The following P2RY12 variants were observed in gnomAD, a reference collection of about 807,000 sequenced individuals.
The protein encoded by P2RY12 is purinergic receptor P2Y12.
P2RY12 carries 3 observed loss-of-function variants against 4.5 expected under a neutral mutation model. The ratio of observed to expected loss-of-function variants is 0.67; its 90% CI spans 0.31 to 1.74. The LOEUF is 1.74. Among genes scored for constraint, P2RY12 ranks in the 40% most tolerant of loss-of-function variants. The probability of loss-of-function intolerance (pLI) is 0.09; values close to 1 mark genes in which losing one functional copy is unlikely to be tolerated. For synonymous variants in P2RY12, 148 were observed against 154.1 expected (o/e 0.96, Z 0.29); for missense variants, 356 against 407.8 (o/e 0.87, Z 1.09).
At chr3:151,356,360 C>G (rs1462764722) in intron 1 of P2RY12, among the ~76,000 whole-genome samples, 1 of 151,942 alleles carries the variant, frequency 6.6e-6, no homozygotes, top group African/African-American at 2.4e-5. Flanking sequence ...CAACTGCACT[C>G]AAGCCTATGG....
In P2RY12 at chr3:151,348,358, A is replaced by G. The variant is rs1036830187; in HGVS notation, c.-179-7598T>C. Among the ~76,000 whole-genome samples, 94 of 66,990 alleles carry G rather than the reference A, an allele frequency of 1.4e-3. 2 individuals carry two copies. Among genetic ancestry groups the G allele is most frequent in the Admixed American group, 7.6e-3 (40 of 5,234 alleles). 43.9% of individuals were successfully genotyped at this position (66,990 alleles called of 152,430 possible). A position where few individuals can be genotyped will look rare whatever the true frequency, so the allele number is the denominator to read the frequency against. On this transcript the variant is annotated intron_variant, in intron 1 of 2. Transcript: ENST00000302632. ...ACCAGACCAAAAAAAAAAAAAAAAA[A>G]AAAAAGAAAAAAGAAATATATCAGT...
rs16846673 is a variant in P2RY12, at chr3:151,337,857, T to C, written c.989A>G (p.Glu330Gly). ...TTCATTTGGGTCACCACCATCCTGT[T>C]CTTTTTTCCTATTGTCCTGGGACAG... ...TSLSQDNRKK[E>G]QDGGDPNEET... is the part of the protein sequence containing the mutation. The change falls in exon 3 of 3, where the codon GAA becomes GGA. Residue 330 changes from glutamate (E) to glycine (G), a missense_variant. By Grantham distance (98) the Glu-to-Gly change is moderately conservative. Transcript: ENST00000302632. 6,623 of 1,614,130 alleles carry C rather than the reference T, an allele frequency of 4.1e-3. 230 individuals carry two copies. The African/African-American group carries it at 0.08, about 19-fold the overall frequency.
intron 1 of P2RY12, chr3:151,375,909 A>T: frequency 3.5e-6 from 2 of 571,638 alleles, no homozygotes; most frequent in Non-Finnish European, 5.2e-6. Context: ...GTAATTTTTT[A>T]AATTGGAAAA....
intron 1 of P2RY12, chr3:151,369,565 C>G: frequency 6.6e-7 from 1 of 1,506,622 alleles, no homozygotes. Flanking sequence ...ATTATTCTGA[C>G]CCTAAGCTTC....
intron 1 of P2RY12, among the ~76,000 whole-genome samples, chr3:151,351,148 C>G (rs1180840630): frequency 6.6e-6 from 1 of 152,108 alleles, no homozygotes; most frequent in Non-Finnish European, 1.5e-5. Context: ...AGATCCAGTT[C>G]CTAGACTTTA....
intron 1 of P2RY12, among the ~76,000 whole-genome samples, chr3:151,343,451 A>ATG (rs1752127834): frequency 6.6e-6 from 1 of 152,188 alleles, no homozygotes; most frequent in African/African-American, 2.4e-5. Context: ...ATACCTATTT[A>ATG]CAAACCACCT....
intron 1 of P2RY12, chr3:151,360,431 G>A: frequency 1.3e-6 from 2 of 1,591,056 alleles, no homozygotes; most frequent in Non-Finnish European, 1.7e-6. Context: ...AACCCACATA[G>A]TACAAATCTA....
chr3:151,354,634 T>C, intron 1 of P2RY12, among the ~76,000 whole-genome samples: 1 of 152,208 alleles, frequency 6.6e-6, no homozygotes, highest in South Asian at 2.1e-4. Context: ...TAAAGGCACT[T>C]TTTATGATAG....
At chr3:151,346,448 T>C (rs908404172) in intron 1 of P2RY12, among the ~76,000 whole-genome samples, 1 of 152,186 alleles carries the variant, frequency 6.6e-6, no homozygotes, top group African/African-American at 2.4e-5. Context: ...CATTTCATCA[T>C]CACCTCTTAC....
At chr3:151,383,917 TG>T in intron 1 of P2RY12, 5 of 1,583,056 alleles carry the variant, frequency 3.2e-6, no homozygotes, top group Non-Finnish European at 4.3e-6. Flanking sequence ...ACATTGATTT[TG>T]CTACATGTAT....
intron 1 of P2RY12, among the ~76,000 whole-genome samples, chr3:151,381,186 T>G (rs1712270094): frequency 6.6e-6 from 1 of 152,200 alleles, no homozygotes; most frequent in Non-Finnish European, 1.5e-5. Flanking sequence ...AATTGACCCC[T>G]TCTTGTGGCA....
At chr3:151,366,315 TG>T (rs1027948478) in intron 1 of P2RY12, among the ~76,000 whole-genome samples, 41 of 152,320 alleles carry the variant, frequency 2.7e-4, no homozygotes, top group African/African-American at 9.4e-4. Context: ...CCAACTGCCC[TG>T]GATTCCTCAC....
chr3:151,357,503 C>A, intron 1 of P2RY12: 3 of 777,828 alleles, frequency 3.9e-6, no homozygotes, highest in Non-Finnish European at 5.8e-6. Context: ...GGTTAAAGAA[C>A]ACTCTTGCCA....
chr3:151,354,985 GTATT>G, intron 1 of P2RY12: 2 of 693,184 alleles, frequency 2.9e-6, no homozygotes, highest in East Asian at 2.7e-5. Context: ...GTCTTATTGT[GTATT>G]TATTTTATTG....
chr3:151,379,963 A>G, intron 1 of P2RY12: 1 of 535,018 alleles, frequency 1.9e-6, no homozygotes. Flanking sequence ...TAATTTTATA[A>G]GTAGAGGTAT....
rs1036104431 is a variant in P2RY12, at chr3:151,368,360, A to T, written c.-180+16332T>A. 1.0e-5 allele frequency: 9 copies of T among 903,832 alleles called. No individual in the cohort carries two copies. The African/African-American group carries it at 1.5e-4, about 15-fold the overall frequency. 56.0% of individuals were successfully genotyped at this position (903,832 alleles called of 1,614,324 possible). Reference sequence around the variant, plus strand: ...TAATTGCCTTCTTAATTTTTTGGGCATGCCCTGGGGGTGATGAAGGGTGAG... The same window carrying T: ...TAATTGCCTTCTTAATTTTTTGGGCTTGCCCTGGGGGTGATGAAGGGTGAG... On this transcript the variant is annotated intron_variant, in intron 1 of 2. Transcript: ENST00000302632.
intron 1 of P2RY12, among the ~76,000 whole-genome samples, chr3:151,359,608 T>A (rs1403621715): frequency 6.6e-6 from 1 of 152,178 alleles, no homozygotes; most frequent in Non-Finnish European, 1.5e-5. Context: ...TAGAACTAGC[T>A]CTTTGCCTTT....
intron 2 of P2RY12, 48 bp from the exon 3 acceptor site, chr3:151,338,907 T>G (rs1751418309): frequency 6.5e-7 from 1 of 1,533,824 alleles, no homozygotes; most frequent in African/African-American, 1.4e-5. Flanking sequence ...AGGTAGTTAT[T>G]ATTGCTGTTA....
intron 1 of P2RY12, chr3:151,350,143 C>T: frequency 6.2e-7 from 1 of 1,613,580 alleles, no homozygotes; most frequent in Non-Finnish European, 8.5e-7. Context: ...AAGGCATCAG[C>T]TGAAGAAGAT....
Sources: allele counts gnomAD v4.1 joint callset (sites outside exome capture counted in the v4.1 genomes callset), GRCh38; gene constraint gnomAD v4.1.1; transcripts MANE v1.5; gene names NCBI Gene and HGNC (gene_info 2026-07-23, HGNC 2026-07-21).